The following ALDH1A2 variants were observed in gnomAD, a reference collection of about 807,000 sequenced individuals.
ALDH1A2 encodes aldehyde dehydrogenase 1 family member A2, also known as retinal dehydrogenase 2.
ALDH1A2 carries 27 observed loss-of-function variants against 60.3 expected under a neutral mutation model. The observed-to-expected ratio is 0.45, with a 90% confidence interval of 0.33 to 0.62. The LOEUF (loss-of-function observed/expected upper bound fraction) is 0.62. Ranked by LOEUF, ALDH1A2 falls within the 20% of genes least tolerant of loss-of-function variation. ALDH1A2 has a pLI of 0.02. For synonymous variants in ALDH1A2, 289 were observed against 232.4 expected (o/e 1.24, Z -2.21); for missense variants, 581 against 643.8 (o/e 0.90, Z 1.06).
intron 1 of ALDH1A2, among the ~76,000 whole-genome samples, chr15:58,025,841 G>C (rs1896064894): frequency 6.6e-6 from 1 of 152,166 alleles, no homozygotes; most frequent in African/African-American, 2.4e-5. Flanking sequence ...GAGCAAGAGA[G>C]AAAAGAGGAA....
In ALDH1A2 at chr15:57,963,929, C is replaced by T. The variant is rs4646626; in HGVS notation, c.1042G>A (p.Val348Ile). The change falls in exon 9 of 13, where the codon GTA (valine) becomes ATA (isoleucine). Residue 348 changes from valine (V) to isoleucine (I), a missense_variant. Val to Ile is a conservative substitution (Grantham distance 29). Transcript: ENST00000249750. ...GTGGGGTCAAAGGGACTCCCCACTA[C>T]GCGCCTCTTGGCCCGCTCCACGCTT... The part of the protein sequence containing the change: ...RRSVERAKRR[V>I]VGSPFDPTTE... The T allele has an allele frequency of 0.5, 800,869 of 1,613,794 alleles. 204,577 individuals carry two copies. Among genetic ancestry groups the T allele is most frequent in the Non-Finnish European group, 0.54 (633,039 of 1,179,830 alleles).
At chr15:58,029,460 C>A (rs1249245834) in intron 1 of ALDH1A2, among the ~76,000 whole-genome samples, 1 of 151,964 alleles carries the variant, frequency 6.6e-6, no homozygotes, top group Non-Finnish European at 1.5e-5. Flanking sequence ...CTAAACTCAA[C>A]CCCCTAACAT....
intron 1 of ALDH1A2, among the ~76,000 whole-genome samples, chr15:58,042,120 C>G (rs1896532230): frequency 1.3e-5 from 2 of 151,926 alleles, no homozygotes; most frequent in Admixed American, 1.3e-4. Context: ...TTAAAACTAC[C>G]AATTTCTAAA....
At chr15:58,009,332 A>G (rs1895555697) in intron 4 of ALDH1A2, among the ~76,000 whole-genome samples, 1 of 152,018 alleles carries the variant, frequency 6.6e-6, no homozygotes, top group African/African-American at 2.4e-5. Flanking sequence ...CAAAAACTGC[A>G]CTTGAAAAAG....
chr15:58,064,371 G>A (rs773639613), intron 1 of ALDH1A2, among the ~76,000 whole-genome samples: 5 of 152,008 alleles, frequency 3.3e-5, no homozygotes, highest in Non-Finnish European at 7.4e-5. Context: ...AACACAAATC[G>A]CCCTGATTTG....
chr15:57,972,924 G>A (rs1894118822), intron 7 of ALDH1A2, among the ~76,000 whole-genome samples: 1 of 152,144 alleles, frequency 6.6e-6, no homozygotes, highest in Non-Finnish European at 1.5e-5. Context: ...GGAGAGAGCT[G>A]ACCTGATTCA....
intron 7 of ALDH1A2, among the ~76,000 whole-genome samples, chr15:57,969,446 G>C (rs968576990): frequency 1.3e-5 from 2 of 152,196 alleles, no homozygotes; most frequent in Non-Finnish European, 2.9e-5. Context: ...AAGAATGAAC[G>C]AATTACGCAT....
Position 58,010,686 on chromosome 15 carries a change from G to A in ALDH1A2, c.456C>T (p.Gly152=). The change falls in exon 4 of 13, where the codon GGC becomes GGT. Residue 152 remains glycine (G), a synonymous_variant. Transcript: ENST00000249750. ...GVIKTFRYYA[G]WADKIHGMTI... is the part of the protein sequence containing the mutation. ...TCATCCCATGAATTTTATCAGCCCA[G>A]CCTGCGTAATATCGAAAGGTTTTGA... The A allele has an allele frequency of 6.2e-7, 1 of 1,613,448 alleles. No homozygotes were observed.
At chr15:57,963,754 G>C in intron 9 of ALDH1A2, 131 bp downstream of exon 9, 1 of 908,824 alleles carries the variant, frequency 1.1e-6, no homozygotes, top group East Asian at 2.5e-5. Flanking sequence ...TTCCAGCCAC[G>C]AAGACATGGT....
intron 7 of ALDH1A2, among the ~76,000 whole-genome samples, chr15:57,969,804 G>A (rs982547292): frequency 1.8e-4 from 27 of 150,664 alleles, no homozygotes; most frequent in African/African-American, 6.5e-4. Flanking sequence ...AAGCAGAAAA[G>A]ATTTTACAAC....
chr15:58,058,212 C>G (rs574811942), intron 1 of ALDH1A2: 1 of 689,002 alleles, frequency 1.5e-6, no homozygotes, highest in African/African-American at 1.8e-5. Context: ...CACCTGAAAT[C>G]GTGCCACTAT....
At chr15:58,005,589 T>C (rs1447815339) in intron 4 of ALDH1A2, among the ~76,000 whole-genome samples, 1 of 152,006 alleles carries the variant, frequency 6.6e-6, no homozygotes, top group Non-Finnish European at 1.5e-5. Context: ...GTGAAAGACA[T>C]AATGGCTTAT....
At chr15:58,000,179 TG>T (rs1487177842) in intron 4 of ALDH1A2, among the ~76,000 whole-genome samples, 1 of 151,956 alleles carries the variant, frequency 6.6e-6, no homozygotes, top group Non-Finnish European at 1.5e-5. Flanking sequence ...GTAACAAACC[TG>T]CACAGGTAAT....
chr15:57,996,855 A>G (rs1474848584), intron 4 of ALDH1A2, among the ~76,000 whole-genome samples: 3 of 152,078 alleles, frequency 2.0e-5, no homozygotes, highest in African/African-American at 7.2e-5. Flanking sequence ...TGATAGCTGG[A>G]AAACTGCAAC....
rs750755375 is a variant in ALDH1A2 at position 57,993,013 on chromosome 15, T to C, written c.616A>G (p.Thr206Ala). ...TGCTCTGCTGGCTTAATAACTACTG[T>C]ATTGCCACAGCACAAAGCTGGAGCT... ...KIAPALCCGNTVVIKPAEQTP... is the reference protein window; with the variant it reads ...KIAPALCCGNAVVIKPAEQTP... The change falls in exon 6 of 13, where the codon ACA becomes GCA. Residue 206 changes from threonine to alanine, a missense_variant. Around this residue, in one of 2 missense-constraint regions of ALDH1A2, gnomAD observed 375 missense variants for 469.7 expected, o/e 0.80. Coordinates refer to ENST00000249750, the MANE Select transcript of ALDH1A2 (RefSeq NM_003888.4). 4 of 1,613,724 alleles carry C rather than the reference T, an allele frequency of 2.5e-6. No individual in the cohort carries two copies. Among genetic ancestry groups the C allele is most frequent in the Non-Finnish European group, 3.4e-6 (4 of 1,179,980 alleles).
intron 12 of ALDH1A2, among the ~76,000 whole-genome samples, chr15:57,957,819 T>C (rs1893579259): frequency 6.6e-6 from 1 of 152,164 alleles, no homozygotes; most frequent in African/African-American, 2.4e-5. Flanking sequence ...TATATTTTCC[T>C]GCTCTTTTAC....
rs1356571535 is a variant in ALDH1A2, at chr15:57,954,511, G to A, written c.*686C>T. On this transcript the variant is annotated 3_prime_UTR_variant, in exon 13 of 13. Coordinates refer to ENST00000249750, the MANE Select transcript of ALDH1A2 (RefSeq NM_003888.4). ...GGTGAACTGCACATGATGACTTCCA[G>A]TCTCTATTGTCCCAATCTTTTTTCA... The A allele has an allele frequency of 6.4e-6, 1 of 155,356 alleles. No individual in the cohort carries two copies. Among genetic ancestry groups the A allele is most frequent in the Non-Finnish European group, 1.4e-5 (1 of 69,632 alleles). 9.6% of individuals were successfully genotyped at this position (155,356 alleles called of 1,614,324 possible). A position where few individuals can be genotyped will look rare whatever the true frequency, so the allele number is the denominator to read the frequency against.
At chr15:58,033,727 T>C (rs1398541543) in intron 1 of ALDH1A2, among the ~76,000 whole-genome samples, 1 of 150,972 alleles carries the variant, frequency 6.6e-6, no homozygotes, top group African/African-American at 2.4e-5. Context: ...TTTTCCAGCA[T>C]GATTTGTTGA....
chr15:58,049,572 T>G (rs1213845378), intron 1 of ALDH1A2, among the ~76,000 whole-genome samples: 1 of 152,098 alleles, frequency 6.6e-6, no homozygotes, highest in African/African-American at 2.4e-5. Context: ...TACTCTCTGT[T>G]GCTACTAAGA....
Sources: gnomAD v4.1 joint callset for allele counts (sites outside exome capture counted in the v4.1 genomes callset) on GRCh38, gnomAD v4.1.1 for gene constraint, gnomAD v4.1.1 regional missense constraint, MANE v1.5 for transcripts, NCBI Gene and HGNC (gene_info 2026-07-23, HGNC 2026-07-21) for gene names.